HIC1: variants seen among roughly 807,000 people sequenced by gnomAD.
HIC1 encodes hypermethylated in cancer 1 protein.
A neutral mutation model predicts 26.4 loss-of-function variants in HIC1; 9 were observed. That is an observed-to-expected ratio of 0.34 (90% CI 0.21 to 0.59). HIC1 has a LOEUF of 0.59. Ranked by LOEUF, HIC1 falls within the 20% of genes least tolerant of loss-of-function variation. The probability of loss-of-function intolerance (pLI) is 0.82; values close to 1 mark genes in which losing one functional copy is unlikely to be tolerated. For synonymous variants in HIC1, 631 were observed against 523.1 expected (o/e 1.21, Z -2.81); for missense variants, 965 against 1,075.7 (o/e 0.90, Z 1.44).
rs1322684147 is a variant in HIC1 at position 2,058,208 on chromosome 17, C to T, written c.1518C>T (p.His506=). 5.6e-6 allele frequency: 9 copies of T among 1,611,478 alleles called. No individual in the cohort carries two copies. In the South Asian group the frequency reaches 7.7e-5, roughly 14 times the overall value. ...SYKDPATLRQ[H]EKTHWLTRPY... ...AGGACCCGGCCACGCTGCGGCAGCA[C>T]GAGAAGACGCACTGGCTGACCCGGC... Residue 506 remains histidine, a synonymous_variant, in exon 2 of 2, where the codon CAC becomes CAT. Coordinates refer to ENST00000619757, the MANE Select transcript of HIC1 (RefSeq NM_006497.4).
chr17:2,058,423 G>A lies in HIC1; in HGVS notation c.1733G>A (p.Gly578Asp), dbSNP rs1325649512. ...AAGCCCTACGAGTGCCAGGTGTGCG[G>A]CGGCAAGTTCGCACAGCAACGCAAC... ...GEKPYECQVC[G>D]GKFAQQRNLI... The change falls in exon 2 of 2, where the codon GGC becomes GAC. Residue 578 changes from glycine (G) to aspartate (D), a missense_variant. Gly to Asp is a moderately conservative substitution (Grantham distance 94). Transcript: ENST00000619757. 6.2e-7 allele frequency: 1 copy of A among 1,607,134 alleles called. No homozygotes were observed. The highest frequency in any genetic ancestry group is 8.5e-7 in the Non-Finnish European group (1 of 1,176,998).
In HIC1 at chr17:2,061,610, C is replaced by T. The variant is rs1394713504; in HGVS notation, c.*2775C>T. The T allele has an allele frequency of 3.8e-6, 6 of 1,571,864 alleles. No individual in the cohort carries two copies. The highest frequency in any genetic ancestry group is 1.8e-5 in the Admixed American group (1 of 54,106). Reference sequence around the variant, plus strand: ...CAACAGCACCACCTCCCGCAGTAGCCGGATTGGCTCCTCTGTGGGCATGAG... The same window carrying T: ...CAACAGCACCACCTCCCGCAGTAGCTGGATTGGCTCCTCTGTGGGCATGAG... On this transcript the variant is annotated 3_prime_UTR_variant, in exon 2 of 2. Coordinates refer to ENST00000619757, the MANE Select transcript of HIC1 (RefSeq NM_006497.4).
In HIC1 at chr17:2,059,761, G is replaced by C. The variant is rs754833082; in HGVS notation, c.*926G>C. 3 of 167,030 alleles carry C rather than the reference G, an allele frequency of 1.8e-5. No individual in the cohort carries two copies. The highest frequency in any genetic ancestry group is 1.5e-5 in the Non-Finnish European group (1 of 68,194). The allele number at this position is 167,030 out of a possible 1,614,324, so 10.3% of individuals were successfully genotyped here. On this transcript the variant is annotated 3_prime_UTR_variant, in exon 2 of 2. Transcript: ENST00000619757. ...CTGCGCCCGCTGGGTGGAGGAGCCA[G>C]AAAGGGCCACCCTCACACAGGTGCA...
chr17:2,058,814 C>A lies in HIC1; in HGVS notation c.2124C>A (p.Ile708=). ...HLAAGPDGRT[I]DRFSPT ...CGGCCGGGCCCGACGGCCGGACCAT[C>A]GACCGTTTCTCTCCCACCTAGAGCG... The change falls in exon 2 of 2, where the codon ATC becomes ATA. Residue 708 remains isoleucine (I), a synonymous_variant. Coordinates refer to ENST00000619757, the MANE Select transcript of HIC1 (RefSeq NM_006497.4). 1 of 1,493,642 alleles carries A rather than the reference C, an allele frequency of 6.7e-7. No homozygotes were observed. The highest frequency in any genetic ancestry group is 8.9e-7 in the Non-Finnish European group (1 of 1,128,148). The allele number at this position is 1,493,642 out of a possible 1,614,324, so 92.5% of individuals were successfully genotyped here.
In HIC1 at chr17:2,058,806, C is replaced by CG; in HGVS notation, c.2118dup (p.Thr707AspfsTer66). 6.7e-7 allele frequency: 1 copy of CG among 1,499,154 alleles called. No individual in the cohort carries two copies. The highest frequency in any genetic ancestry group is 8.8e-7 in the Non-Finnish European group (1 of 1,130,960). 92.9% of individuals were successfully genotyped at this position (1,499,154 alleles called of 1,614,324 possible). A position where few individuals can be genotyped will look rare whatever the true frequency, so the allele number is the denominator to read the frequency against. On this transcript the variant is annotated frameshift_variant, in exon 2 of 2. Transcript: ENST00000619757. LOFTEE classifies it high-confidence loss of function. The stretch of plus-strand genomic sequence containing the variant: ...TCACCTGGCGGCCGGGCCCGACGGC[C>CG]GGACCATCGACCGTTTCTCTCCCAC...
In HIC1 at chr17:2,055,619, G is replaced by A. The variant is rs912661670; in HGVS notation, c.-21+381G>A. Among the ~76,000 whole-genome samples, 8 of 150,460 alleles carry A rather than the reference G, an allele frequency of 5.3e-5. No homozygotes were observed. The highest frequency in any genetic ancestry group is 1.5e-4 in the African/African-American group (6 of 41,056). ...CGGGGAGGGGAGCCCGGCCCGCCGG[G>A]ACCGCAGGTAACGGGCCGCGGGGCC... On this transcript the variant is annotated intron_variant, in intron 1 of 1. Coordinates refer to ENST00000619757, the MANE Select transcript of HIC1 (RefSeq NM_006497.4). The surrounding 1 kb of genome is among the most constrained non-coding windows in gnomAD (Gnocchi z 6.4).
intron 1 of HIC1, chr17:2,056,468 C>A: frequency 7.5e-7 from 1 of 1,342,106 alleles, no homozygotes; most frequent in Non-Finnish European, 1.1e-6. Flanking sequence ...CGGCCGCTCA[C>A]CTCCTGCTCC....
At position 2,057,511 on chromosome 17, in the gene HIC1, C is replaced by T. The variant is rs2151369017; in HGVS notation, c.821C>T (p.Pro274Leu). ...PLALPSLPPL[P>L]FQKLEEAAPP... Reference sequence around the variant, plus strand: ...GCCCTGCCGTCGCTGCCGCCGCTGCCCTTCCAGAAGCTGGAGGAGGCCGCA... The same window carrying T: ...GCCCTGCCGTCGCTGCCGCCGCTGCTCTTCCAGAAGCTGGAGGAGGCCGCA... Residue 274 changes from proline to leucine, a missense_variant, in exon 2 of 2, where the codon CCC becomes CTC. Physicochemically the swap from Pro to Leu is moderately conservative, Grantham distance 98. Around this residue, in one of 6 missense-constraint regions of HIC1, gnomAD observed 526 missense variants for 525.0 expected, o/e 1.00. Coordinates refer to ENST00000619757, the MANE Select transcript of HIC1 (RefSeq NM_006497.4). The T allele has an allele frequency of 1.3e-5, 19 of 1,491,176 alleles. No individual in the cohort carries two copies. In the South Asian group the frequency reaches 2.1e-4, roughly 17 times the overall value. 92.4% of individuals were successfully genotyped at this position (1,491,176 alleles called of 1,614,324 possible).
rs1161008312 is a variant in HIC1 at position 2,055,908 on chromosome 17, C to T, written c.-21+670C>T. On this transcript the variant is annotated intron_variant, in intron 1 of 1. Transcript: ENST00000619757. The surrounding 1 kb of genome is among the most constrained non-coding windows in gnomAD (Gnocchi z 6.4). The stretch of plus-strand genomic sequence containing the variant: ...CGCGCGTGTAGGGCCCAGGCCGAGG[C>T]CGGGACGCGGGTGGGGCGCAGGCCC... 6.7e-6 allele frequency among the ~76,000 whole-genome samples: 1 copy of T among 150,214 alleles called. No homozygotes were observed.
Position 2,058,178 on chromosome 17 carries a change from C to G in HIC1, c.1488C>G (p.Ser496Arg). The G allele has an allele frequency of 6.2e-7, 1 of 1,610,866 alleles. No homozygotes were observed. Among genetic ancestry groups the G allele is most frequent in the Non-Finnish European group, 8.5e-7 (1 of 1,179,762 alleles). ...RPYRCASCDK[S>R]YKDPATLRQH... ...ACCGCTGCGCGTCGTGCGACAAGAG[C>G]TACAAGGACCCGGCCACGCTGCGGC... The change falls in exon 2 of 2, where the codon AGC (serine) becomes AGG (arginine). Residue 496 changes from serine (S) to arginine (R), a missense_variant. By Grantham distance (110) the Ser-to-Arg change is moderately radical. Around this residue, in one of 6 missense-constraint regions of HIC1, gnomAD observed 105 missense variants for 101.4 expected, o/e 1.04. Coordinates refer to ENST00000619757, the MANE Select transcript of HIC1 (RefSeq NM_006497.4).
At position 2,057,720 on chromosome 17, in the gene HIC1, G is replaced by T; in HGVS notation, c.1030G>T (p.Ala344Ser). ...GCGCTGCGAAGAGCGTGGTGGGGAC[G>T]CGGCCGTCTCGCCCGGGGGGCCCCC... ...SERCEERGGD[A>S]AVSPGGPPLG... The change falls in exon 2 of 2, where the codon GCG becomes TCG. Residue 344 changes from alanine to serine, a missense_variant. Ala to Ser is a moderately conservative substitution (Grantham distance 99, BLOSUM62 1). Around this residue, in one of 6 missense-constraint regions of HIC1, gnomAD observed 526 missense variants for 525.0 expected, o/e 1.00. Transcript: ENST00000619757. The T allele has an allele frequency of 7.0e-7, 1 of 1,435,450 alleles. No homozygotes were observed. 88.9% of individuals were successfully genotyped at this position (1,435,450 alleles called of 1,614,324 possible). A position where few individuals can be genotyped will look rare whatever the true frequency, so the allele number is the denominator to read the frequency against.
Position 2,056,973 on chromosome 17 carries a change from G to A in HIC1, c.283G>A (p.Ala95Thr). The part of the protein sequence containing the change: ...GRLADGAEAA[A>T]AAAVAPGAEP... ...CCTGGCTGACGGCGCAGAGGCGGCT[G>A]CGGCCGCGGCCGTGGCCCCGGGGGC... Residue 95 changes from alanine to threonine, a missense_variant, in exon 2 of 2, where the codon GCG becomes ACG. Around this residue, in one of 6 missense-constraint regions of HIC1, gnomAD observed 526 missense variants for 525.0 expected, o/e 1.00. Coordinates refer to ENST00000619757, the MANE Select transcript of HIC1 (RefSeq NM_006497.4). 2 of 1,576,118 alleles carry A rather than the reference G, an allele frequency of 1.3e-6. No individual in the cohort carries two copies. The highest frequency in any genetic ancestry group is 2.4e-5 in the East Asian group (1 of 41,402).
In HIC1 at chr17:2,061,583, G is replaced by A. The variant is rs1183815005; in HGVS notation, c.*2748G>A. ...CTTCACACGCAGGTTCCGGTCATCC[G>A]TCAACAGCACCACCTCCCGCAGTAG... On this transcript the variant is annotated 3_prime_UTR_variant, in exon 2 of 2. Transcript: ENST00000619757. The A allele has an allele frequency of 3.8e-6, 6 of 1,572,636 alleles. No homozygotes were observed. Among genetic ancestry groups the A allele is most frequent in the Middle Eastern group, 1.7e-4 (1 of 6,010 alleles).
In HIC1 at chr17:2,061,598, TC is replaced by T. The variant is rs1479860167; in HGVS notation, c.*2766del. 6.4e-7 allele frequency: 1 copy of T among 1,572,302 alleles called. No homozygotes were observed. The highest frequency in any genetic ancestry group is 8.6e-7 in the Non-Finnish European group (1 of 1,158,552). On this transcript the variant is annotated 3_prime_UTR_variant, in exon 2 of 2. Coordinates refer to ENST00000619757, the MANE Select transcript of HIC1 (RefSeq NM_006497.4). ...CCGGTCATCCGTCAACAGCACCACC[TC>T]CCGCAGTAGCCGGATTGGCTCCTCT...
chr17:2,057,155 G>T lies in HIC1; in HGVS notation c.465G>T (p.Pro155=), dbSNP rs2067680011. 2.3e-6 allele frequency: 3 copies of T among 1,310,238 alleles called. No homozygotes were observed. Among genetic ancestry groups the T allele is most frequent in the Non-Finnish European group, 1.9e-6 (2 of 1,037,800 alleles). 81.2% of individuals were successfully genotyped at this position (1,310,238 alleles called of 1,614,324 possible). The change falls in exon 2 of 2, where the codon CCG becomes CCT. Residue 155 remains proline (P), a synonymous_variant. Transcript: ENST00000619757. ...GCGGCTACGCGCCCTATGGTCGGCC[G>T]GGCCGGGGCCTGCGGGCCGCCACGC... ...GGGGYAPYGR[P]GRGLRAATPV...
chr17:2,056,031 T>TTCCTGCCTCAGCC (rs2067669101), intron 1 of HIC1, among the ~76,000 whole-genome samples: 1 of 98,620 alleles, frequency 1.0e-5, no homozygotes, highest in Non-Finnish European at 2.0e-5. Context: ...CCCCACCTGC[T>TTCCTGCCTCAGCC]TCCTGCCTCA....
Position 2,057,265 on chromosome 17 carries a change from T to G in HIC1, c.575T>G (p.Val192Gly), listed in dbSNP as rs2067680945. The G allele has an allele frequency of 6.9e-7, 1 of 1,457,730 alleles. No homozygotes were observed. Among genetic ancestry groups the G allele is most frequent in the Non-Finnish European group, 9.0e-7 (1 of 1,110,132 alleles). The allele number at this position is 1,457,730 out of a possible 1,614,324, so 90.3% of individuals were successfully genotyped here. Residue 192 changes from valine to glycine, a missense_variant, in exon 2 of 2, where the codon GTC (valine) becomes GGC (glycine). Transcript: ENST00000619757. ...CCGCCCTCGGGCCCAGAGGCCGCGG[T>G]CAACACGCACTGCGCCGAGCTGTAC... ...AEPPSGPEAAVNTHCAELYAS... is the reference protein window; with the variant it reads ...AEPPSGPEAAGNTHCAELYAS...
In HIC1 at chr17:2,061,708, T is replaced by G. The variant is rs914612904; in HGVS notation, c.*2873T>G. On this transcript the variant is annotated 3_prime_UTR_variant, in exon 2 of 2. Transcript: ENST00000619757. ...CTTCTCACCCTGGAGAATGTGGTCC[T>G]GGGGAGGGGGTGCCACGCTAGCCGT... The G allele has an allele frequency of 1.2e-5, 18 of 1,448,040 alleles. No homozygotes were observed. The highest frequency in any genetic ancestry group is 1.6e-5 in the Non-Finnish European group (17 of 1,067,724). The allele number at this position is 1,448,040 out of a possible 1,614,324, so 89.7% of individuals were successfully genotyped here.
At position 2,061,260 on chromosome 17, in the gene HIC1, C is replaced by T. The variant is rs1010748738; in HGVS notation, c.*2425C>T. The T allele has an allele frequency of 2.1e-6, 1 of 465,440 alleles. No homozygotes were observed. Among genetic ancestry groups the T allele is most frequent in the East Asian group, 4.0e-5 (1 of 25,228 alleles). 28.8% of individuals were successfully genotyped at this position (465,440 alleles called of 1,614,324 possible). ...GCTGTTGCTGTAGCCAGCCACCTCC[C>T]TGCTAAATCCTGGCAGCCCAGGAGG... is the stretch of plus-strand genomic sequence containing the variant. On this transcript the variant is annotated 3_prime_UTR_variant, in exon 2 of 2. Coordinates refer to ENST00000619757, the MANE Select transcript of HIC1 (RefSeq NM_006497.4).
Sources: allele counts gnomAD v4.1 joint callset (sites outside exome capture counted in the v4.1 genomes callset), GRCh38; gene constraint gnomAD v4.1.1; regional missense constraint gnomAD v4.1.1; non-coding constraint Gnocchi (gnomAD v3.1); transcripts MANE v1.5; gene names NCBI Gene and HGNC (gene_info 2026-07-23, HGNC 2026-07-21).